GPM6A: variants seen among roughly 807,000 people sequenced by gnomAD.
GPM6A encodes neuronal membrane glycoprotein M6-a.
A neutral mutation model predicts 32.1 loss-of-function variants in GPM6A; 7 were observed. That is an observed-to-expected ratio of 0.22 (90% confidence interval 0.12 to 0.41). GPM6A has a LOEUF of 0.41. GPM6A is among the 10% of genes least tolerant of loss of function. GPM6A has a pLI of 1.00. For missense variants in GPM6A, 235 were observed against 347.2 expected, an observed-to-expected ratio of 0.68 and a Z score of 2.57; for synonymous variants, 130 against 123.4, an observed-to-expected ratio of 1.05 and a Z score of -0.35.
chr4:175,935,388 A>T (rs972006333), intron 1 of GPM6A, among the ~76,000 whole-genome samples: 1 of 152,226 alleles, frequency 6.6e-6, no homozygotes, highest in Non-Finnish European at 1.5e-5. Context: ...TACAGCAGCC[A>T]AAAGTACAGA....
intron 1 of GPM6A, among the ~76,000 whole-genome samples, chr4:175,892,048 G>A (rs1360503899): frequency 6.6e-6 from 1 of 152,092 alleles, no homozygotes; most frequent in Non-Finnish European, 1.5e-5. Flanking sequence ...GGGCTTGTTT[G>A]GGAAGCAGTC....
intron 1 of GPM6A, among the ~76,000 whole-genome samples, chr4:175,753,885 G>A (rs2643992): frequency 0.53 from 81,069 of 151,804 alleles, 22,450 homozygotes; most frequent in African/African-American, 0.68. Flanking sequence ...GCCTTTAGGT[G>A]CTCCATCATC....
chr4:175,647,947 A>T (rs1048113341), intron 4 of GPM6A, among the ~76,000 whole-genome samples: 12 of 152,310 alleles, frequency 7.9e-5, no homozygotes, highest in African/African-American at 2.9e-4. Flanking sequence ...AGGCTGCATG[A>T]CATCTAAAAA....
At chr4:175,918,671 G>A (rs1410748782) in intron 1 of GPM6A, among the ~76,000 whole-genome samples, 1 of 152,128 alleles carries the variant, frequency 6.6e-6, no homozygotes, top group East Asian at 1.9e-4. Flanking sequence ...TAGTTTGCTG[G>A]AGTTTCCTAA....
rs1235694228 is a variant in GPM6A, at chr4:175,832,121, T to C, written c.-22-19872A>G. ...CTTGATCTTTCCTCGGATTGCCAAC[T>C]CCCTGGCTCTTTGGTTCTTAAAATT... On this transcript the variant is annotated intron_variant, in intron 1 of 7. Transcript: ENST00000280187. Among the ~76,000 whole-genome samples, 3 of 12,248 alleles carry C rather than the reference T, an allele frequency of 2.4e-4. No homozygotes were observed. In the South Asian group the frequency reaches 0.068, roughly 278 times the overall value. 8.0% of individuals were successfully genotyped at this position (12,248 alleles called of 152,430 possible).
intron 1 of GPM6A, among the ~76,000 whole-genome samples, chr4:175,714,486 G>A (rs1035475175): frequency 6.6e-6 from 1 of 151,894 alleles, no homozygotes; most frequent in Non-Finnish European, 1.5e-5. Context: ...AGGACTCAAG[G>A]GATACTCCTG....
chr4:175,791,731 TAG>T (rs2111277312), intron 1 of GPM6A, among the ~76,000 whole-genome samples: 1 of 152,168 alleles, frequency 6.6e-6, no homozygotes, highest in South Asian at 2.1e-4. Flanking sequence ...TATTACAAAA[TAG>T]AGACATTCAT....
At chr4:175,658,476 C>A (rs1406531600) in intron 3 of GPM6A, among the ~76,000 whole-genome samples, 1 of 152,078 alleles carries the variant, frequency 6.6e-6, no homozygotes, top group Admixed American at 6.5e-5. Context: ...TGAAACTATT[C>A]TGTATGAAAG....
intron 1 of GPM6A, among the ~76,000 whole-genome samples, chr4:175,936,890 CAAAG>C (rs1561002000): frequency 6.6e-6 from 1 of 151,772 alleles, no homozygotes; most frequent in Non-Finnish European, 1.5e-5. Context: ...ACAATATAAA[CAAAG>C]AAGTCACAAA....
chr4:175,712,928 A>G (rs540433872), intron 1 of GPM6A, among the ~76,000 whole-genome samples: 13 of 152,322 alleles, frequency 8.5e-5, no homozygotes, highest in African/African-American at 3.1e-4. Context: ...AAAACATCCA[A>G]TATTGTGATA....
At chr4:175,878,868 TA>T (rs1737175916) in intron 1 of GPM6A, among the ~76,000 whole-genome samples, 1 of 152,208 alleles carries the variant, frequency 6.6e-6, no homozygotes, top group South Asian at 2.1e-4. Flanking sequence ...CTTTTAAATG[TA>T]AGTTTCAATT....
intron 3 of GPM6A, among the ~76,000 whole-genome samples, chr4:175,663,208 A>G (rs572820852): frequency 6.6e-6 from 1 of 152,348 alleles, no homozygotes; most frequent in South Asian, 2.1e-4. Flanking sequence ...TACTTGAATG[A>G]GTTGAAAACT....
intron 1 of GPM6A, among the ~76,000 whole-genome samples, chr4:175,981,886 AT>A (rs1457116438): frequency 6.6e-6 from 1 of 151,902 alleles, no homozygotes; most frequent in Non-Finnish European, 1.5e-5. Context: ...AGGACTTGGT[AT>A]TGTCAGGTTT....
intron 1 of GPM6A, among the ~76,000 whole-genome samples, chr4:175,948,975 G>C (rs1455199324): frequency 7.5e-6 from 1 of 133,996 alleles, no homozygotes; most frequent in African/African-American, 3.8e-5. Context: ...GTGTGTGTGT[G>C]TGTGTGTGTG....
At chr4:175,810,763 T>C (rs1734887384) in intron 1 of GPM6A, among the ~76,000 whole-genome samples, 2 of 152,240 alleles carry the variant, frequency 1.3e-5, no homozygotes, top group African/African-American at 4.8e-5. Flanking sequence ...TAAGGTAATT[T>C]ATTCTAAGTT....
intron 1 of GPM6A, among the ~76,000 whole-genome samples, chr4:175,995,230 G>A (rs1398703746): frequency 6.6e-6 from 1 of 151,950 alleles, no homozygotes; most frequent in East Asian, 1.9e-4. Context: ...CATCTAGAAT[G>A]GTAAATTCTT....
At chr4:175,988,911 C>T (rs1294080860) in intron 1 of GPM6A, among the ~76,000 whole-genome samples, 1 of 152,002 alleles carries the variant, frequency 6.6e-6, no homozygotes, top group African/African-American at 2.4e-5. Flanking sequence ...AATAAATAAA[C>T]AGTGAGATAC....
intron 1 of GPM6A, among the ~76,000 whole-genome samples, chr4:175,965,339 AAGAT>A (rs776065923): frequency 3.3e-5 from 5 of 152,306 alleles, no homozygotes; most frequent in Non-Finnish European, 7.4e-5. Flanking sequence ...GAAAAAAAGA[AAGAT>A]AGAAAATTCA....
At chr4:175,875,600 TTTCCA>T (rs1235657792) in intron 1 of GPM6A, among the ~76,000 whole-genome samples, 4 of 152,150 alleles carry the variant, frequency 2.6e-5, no homozygotes, top group Non-Finnish European at 4.4e-5. Context: ...ACTATGATAC[TTTCCA>T]AAAGTTGGAC....
Sources: gnomAD v4.1 joint callset for allele counts (sites outside exome capture counted in the v4.1 genomes callset) on GRCh38, gnomAD v4.1.1 for gene constraint, MANE v1.5 for transcripts, NCBI Gene and HGNC (gene_info 2026-07-23, HGNC 2026-07-21) for gene names.